The following TSPAN7 variants were observed in gnomAD, a reference collection of about 807,000 sequenced individuals.
TSPAN7 encodes the protein tetraspanin 7.
In TSPAN7, 1 loss-of-function variant was observed where a neutral mutation model predicts 17.6. The ratio of observed to expected loss-of-function variants is 0.06; its 90% CI spans 0.02 to 0.27. TSPAN7 has a LOEUF of 0.27. TSPAN7 is among the 10% of genes least tolerant of loss of function. The pLI is 1.00. For missense variants in TSPAN7, 112 were observed against 201.7 expected (o/e 0.56, Z 2.69); for synonymous variants, 78 against 79.0 (o/e 0.99, Z 0.07).
chrX:38,627,226 G>A, intron 1 of TSPAN7, among the ~76,000 whole-genome samples: 1 of 111,556 alleles, frequency 9.0e-6, no homozygotes, highest in Non-Finnish European at 1.9e-5. Flanking sequence ...GAGAGAAATT[G>A]AAGAGACTAT....
intron 1 of TSPAN7, among the ~76,000 whole-genome samples, chrX:38,561,860 G>A (rs907320403): frequency 9.0e-6 from 1 of 111,105 alleles, no homozygotes; most frequent in Non-Finnish European, 1.9e-5. Flanking sequence ...GCGGAGTGTC[G>A]GTGACTGCAG....
intron 1 of TSPAN7, among the ~76,000 whole-genome samples, chrX:38,574,980 A>G (rs2069186446): frequency 9.0e-6 from 1 of 111,080 alleles, no homozygotes; most frequent in Non-Finnish European, 1.9e-5. Flanking sequence ...ATTTTATTAC[A>G]TAAGATTGTA....
chrX:38,604,139 T>A (rs1325489717), intron 1 of TSPAN7, among the ~76,000 whole-genome samples: 1 of 101,733 alleles, frequency 9.8e-6, no homozygotes, highest in Admixed American at 1.1e-4. Flanking sequence ...TTTTTGTTCT[T>A]GCGATAGTTT....
chrX:38,594,878 T>C (rs2069310504), intron 1 of TSPAN7, among the ~76,000 whole-genome samples: 1 of 111,419 alleles, frequency 9.0e-6, no homozygotes, highest in African/African-American at 3.3e-5. Flanking sequence ...GTGAGGACAC[T>C]TAAAGTCTGT....
At chrX:38,569,430 C>G (rs988266333) in intron 1 of TSPAN7, among the ~76,000 whole-genome samples, 1 of 93,478 alleles carries the variant, frequency 1.1e-5, no homozygotes, top group Admixed American at 1.4e-4. Flanking sequence ...CTTTCACCCT[C>G]CAAAGAATAA....
intron 1 of TSPAN7, among the ~76,000 whole-genome samples, chrX:38,641,829 A>C (rs1054986966): frequency 1.8e-4 from 20 of 111,879 alleles, no homozygotes; most frequent in East Asian, 8.4e-4. Context: ...GGAAAAGGAA[A>C]GAAGAAATGC....
rs189937177 is a variant in TSPAN7 at position 38,678,235 on chromosome X, C to G, written c.597+2375C>G. Among the ~76,000 whole-genome samples the G allele has an allele frequency of 2.8e-3, 313 of 112,124 alleles. 1 individual carries two copies. The highest frequency in any genetic ancestry group is 9.7e-3 in the African/African-American group (300 of 30,871). Reference sequence around the variant, plus strand: ...ACTTCATAGGGATTCTTTGACAGTTCGTAAGGGCAAGAGGAACATAGTTAC... The same window carrying G: ...ACTTCATAGGGATTCTTTGACAGTTGGTAAGGGCAAGAGGAACATAGTTAC... On this transcript the variant is annotated intron_variant, in intron 5 of 7. Coordinates refer to ENST00000378482, the MANE Select transcript of TSPAN7 (RefSeq NM_004615.4).
intron 1 of TSPAN7, among the ~76,000 whole-genome samples, chrX:38,633,168 T>C (rs187491064): frequency 8.9e-6 from 1 of 112,827 alleles, no homozygotes; most frequent in Non-Finnish European, 1.9e-5. Context: ...TTTAAAGATA[T>C]CCATAATACT....
intron 1 of TSPAN7, among the ~76,000 whole-genome samples, chrX:38,627,655 A>G (rs1383856671): frequency 8.9e-6 from 1 of 111,951 alleles, no homozygotes; most frequent in Non-Finnish European, 1.9e-5. Flanking sequence ...AAGTCTGTGT[A>G]GTTGTCTCAA....
chrX:38,666,225 C>T lies in TSPAN7; in HGVS notation c.186C>T (p.Leu62=), dbSNP rs1373390378. The T allele has an allele frequency of 3.3e-6, 4 of 1,211,706 alleles. No individual in the cohort carries two copies. In the East Asian group the frequency reaches 8.9e-5, roughly 27 times the overall value. The change falls in exon 2 of 8, where the codon CTC becomes CTT. Residue 62 remains leucine (L), a synonymous_variant. Transcript: ENST00000378482. ...AENSTNAPYV[L]IGTGTTIVVF... ...ACTCCACAAATGCTCCCTATGTGCTCATCGGAACTGGCACCACTATTGTTG... is the reference window on the plus strand; with the variant it reads ...ACTCCACAAATGCTCCCTATGTGCTTATCGGAACTGGCACCACTATTGTTG...
intron 3 of TSPAN7, among the ~76,000 whole-genome samples, chrX:38,673,963 C>T (rs939153675): frequency 9.0e-6 from 1 of 111,523 alleles, no homozygotes. Flanking sequence ...AATGGACAGG[C>T]CCCTCCAGTA....
chrX:38,652,120 G>T (rs2069678872), intron 1 of TSPAN7, among the ~76,000 whole-genome samples: 2 of 111,700 alleles, frequency 1.8e-5, no homozygotes, highest in Non-Finnish European at 1.9e-5. Context: ...TGTCAAAATT[G>T]TATGACCTAT....
chrX:38,585,922 C>CTGGTACCATG (rs2147402926), intron 1 of TSPAN7, among the ~76,000 whole-genome samples: 1 of 112,959 alleles, frequency 8.9e-6, no homozygotes, highest in East Asian at 2.8e-4. Flanking sequence ...GAAGCAGATG[C>CTGGTACCATG]TGGTACCATG....
intron 5 of TSPAN7, among the ~76,000 whole-genome samples, chrX:38,680,071 G>A (rs1002681191): frequency 9.0e-6 from 1 of 111,199 alleles, no homozygotes; most frequent in Admixed American, 9.6e-5. Context: ...AACAAACCCC[G>A]ACGACACAAG....
At chrX:38,668,295 C>T (rs947969123) in intron 2 of TSPAN7, among the ~76,000 whole-genome samples, 2 of 111,709 alleles carry the variant, frequency 1.8e-5, no homozygotes, top group Admixed American at 1.9e-4. Flanking sequence ...TCTCAATTTG[C>T]TTGTGGGGCA....
chrX:38,645,968 A>T (rs1184421581), intron 1 of TSPAN7, among the ~76,000 whole-genome samples: 1 of 112,177 alleles, frequency 8.9e-6, no homozygotes, highest in African/African-American at 3.2e-5. Context: ...CAGTTTACAT[A>T]TGAAGAACCT....
chrX:38,627,921 A>G (rs2069530374), intron 1 of TSPAN7, among the ~76,000 whole-genome samples: 1 of 112,651 alleles, frequency 8.9e-6, no homozygotes, highest in African/African-American at 3.2e-5. Context: ...GTAGGACTCT[A>G]TAGCTCTTTC....
intron 1 of TSPAN7, among the ~76,000 whole-genome samples, chrX:38,617,705 C>G (rs1234599837): frequency 8.9e-6 from 1 of 112,245 alleles, no homozygotes; most frequent in African/African-American, 3.2e-5. Flanking sequence ...TTGAGCAACA[C>G]TGGTTCATTA....
chrX:38,615,653 G>A (rs1169337330), intron 1 of TSPAN7, among the ~76,000 whole-genome samples: 1 of 112,250 alleles, frequency 8.9e-6, no homozygotes, highest in Non-Finnish European at 1.9e-5. Flanking sequence ...AGAAGAAAAT[G>A]ATGGGTAACA....
Sources: allele counts gnomAD v4.1 joint callset (sites outside exome capture counted in the v4.1 genomes callset), GRCh38; gene constraint gnomAD v4.1.1; transcripts MANE v1.5; gene names NCBI Gene and HGNC (gene_info 2026-07-23, HGNC 2026-07-21).